The following MCC variants were observed in gnomAD, a reference collection of about 807,000 sequenced individuals.
The protein encoded by MCC is colorectal mutant cancer protein.
Under a neutral mutation model 116.2 loss-of-function variants are expected in MCC, and 90 were observed. The observed-to-expected ratio is 0.77, with a 90% confidence interval of 0.65 to 0.92. The LOEUF is 0.92. MCC is among the 40% of genes least tolerant of loss of function. The pLI, the probability that MCC is intolerant of heterozygous loss-of-function variation, is 0.00. For missense variants in MCC, 1,516 were observed against 1,312.2 expected (o/e 1.16, Z -2.40); for synonymous variants, 578 against 510.5 (o/e 1.13, Z -1.78).
At chr5:113,373,891 G>A (rs957125216) in intron 2 of MCC, among the ~76,000 whole-genome samples, 8 of 148,084 alleles carry the variant, frequency 5.4e-5, no homozygotes, top group African/African-American at 2.0e-4. Context: ...TTGAGAAGCT[G>A]AGGTTTTTTG....
At chr5:113,435,828 G>T (rs1429656500) in intron 1 of MCC, 1 of 153,068 alleles carries the variant, frequency 6.5e-6, no homozygotes, top group Admixed American at 6.5e-5. Context: ...GGCATATCTG[G>T]GGCTGGGGGC....
chr5:113,060,413 A>G (rs982912151), intron 14 of MCC, among the ~76,000 whole-genome samples: 3 of 152,086 alleles, frequency 2.0e-5, no homozygotes, highest in African/African-American at 7.2e-5. Flanking sequence ...TCAGCCTCCC[A>G]AAGTGCTGGG....
At chr5:113,270,607 C>A (rs1765575529) in intron 3 of MCC, among the ~76,000 whole-genome samples, 1 of 149,764 alleles carries the variant, frequency 6.7e-6, no homozygotes, top group Non-Finnish European at 1.5e-5. Flanking sequence ...GTATCCCACA[C>A]AATGGGACAC....
intron 3 of MCC, among the ~76,000 whole-genome samples, chr5:113,312,061 G>A (rs990117683): frequency 5.9e-5 from 9 of 151,682 alleles, no homozygotes; most frequent in East Asian, 1.9e-4. Context: ...AGCCGAGGTC[G>A]CGCCACTGCA....
At chr5:113,383,271 G>T (rs1256050508) in intron 2 of MCC, among the ~76,000 whole-genome samples, 1 of 152,204 alleles carries the variant, frequency 6.6e-6, no homozygotes, top group East Asian at 1.9e-4. Flanking sequence ...ATGTATGTGT[G>T]TACACTTATG....
chr5:113,264,066 T>C (rs536170925), intron 3 of MCC, among the ~76,000 whole-genome samples: 10 of 152,380 alleles, frequency 6.6e-5, no homozygotes, highest in Non-Finnish European at 1.2e-4. Flanking sequence ...CACTTTGCTC[T>C]TTAGAAACAA....
intron 3 of MCC, among the ~76,000 whole-genome samples, chr5:113,261,844 CATTT>C (rs1012399218): frequency 2.0e-5 from 3 of 152,136 alleles, no homozygotes; most frequent in Non-Finnish European, 4.4e-5. Context: ...AAATTCAAGA[CATTT>C]TTGCTAATCA....
At chr5:113,071,844 C>T (rs973523425) in intron 11 of MCC, among the ~76,000 whole-genome samples, 1 of 152,158 alleles carries the variant, frequency 6.6e-6, no homozygotes, top group African/African-American at 2.4e-5. Flanking sequence ...AGTGAGTGAA[C>T]AGGAAACTTC....
chr5:113,120,002 G>A (rs1757641505), intron 6 of MCC, among the ~76,000 whole-genome samples: 1 of 152,202 alleles, frequency 6.6e-6, no homozygotes, highest in Admixed American at 6.5e-5. Context: ...GTTTATCCTT[G>A]CACTTCCCAA....
intron 3 of MCC, among the ~76,000 whole-genome samples, chr5:113,264,100 T>A (rs79977600): frequency 1.3e-5 from 2 of 152,192 alleles, no homozygotes; most frequent in South Asian, 4.1e-4. Flanking sequence ...CCGAAAGATA[T>A]GATTTTTCAG....
At chr5:113,203,850 T>C (rs747959103) in intron 3 of MCC, among the ~76,000 whole-genome samples, 1 of 152,202 alleles carries the variant, frequency 6.6e-6, no homozygotes, top group Non-Finnish European at 1.5e-5. Context: ...TGGCATTTCA[T>C]TGTCAGATTA....
At chr5:113,186,722 C>G (rs547009669) in intron 3 of MCC, among the ~76,000 whole-genome samples, 2 of 152,150 alleles carry the variant, frequency 1.3e-5, no homozygotes, top group Non-Finnish European at 2.9e-5. Flanking sequence ...AGCTTCAAGC[C>G]TATGTACCTT....
chr5:113,293,551 C>T (rs1188827953), intron 3 of MCC, among the ~76,000 whole-genome samples: 2 of 152,158 alleles, frequency 1.3e-5, no homozygotes, highest in Admixed American at 6.5e-5. Context: ...GTATTCAAAG[C>T]TTTGAGGGAT....
chr5:113,384,121 C>CT (rs1444026431), intron 2 of MCC, among the ~76,000 whole-genome samples: 6 of 152,064 alleles, frequency 3.9e-5, no homozygotes, highest in African/African-American at 1.4e-4. Flanking sequence ...ATATGTATAA[C>CT]TGAGTATTCA....
chr5:113,027,744 G>T (rs1750661330), intron 18 of MCC, among the ~76,000 whole-genome samples: 1 of 151,994 alleles, frequency 6.6e-6, no homozygotes, highest in Admixed American at 6.6e-5. Flanking sequence ...TATTAGAAGG[G>T]GTTCTAAGAG....
chr5:113,027,840 A>G (rs1750670713), intron 18 of MCC, among the ~76,000 whole-genome samples: 1 of 152,238 alleles, frequency 6.6e-6, no homozygotes, highest in African/African-American at 2.4e-5. Context: ...TGCTTGCAAC[A>G]TAGTCAAGTG....
rs374284259 is a variant in MCC at position 113,444,042 on chromosome 5, G to A, written c.170+44203C>T. On this transcript the variant is annotated intron_variant, in intron 1 of 18. Coordinates refer to ENST00000408903, the MANE Select transcript of MCC (RefSeq NM_001085377.2). ...GTGTGTTTAGTAGAGATGGGGTTTC[G>A]CCAAGTTGGCCAGGCTGTTCTCGAA... 9.7e-5 allele frequency among the ~76,000 whole-genome samples: 14 copies of A among 145,006 alleles called. No individual in the cohort carries two copies. The East Asian group carries it at 2.4e-3, about 25-fold the overall frequency.
At chr5:113,435,983 C>T (rs1462130613) in intron 1 of MCC, 2 of 152,506 alleles carry the variant, frequency 1.3e-5, no homozygotes, top group Non-Finnish European at 2.9e-5. Context: ...AGCACCTGCT[C>T]TGGGCCACAC....
At chr5:113,046,155 TA>T (rs944258631) in intron 16 of MCC, among the ~76,000 whole-genome samples, 3 of 150,378 alleles carry the variant, frequency 2.0e-5, no homozygotes, top group African/African-American at 4.9e-5. Flanking sequence ...ACTGTAGTGT[TA>T]AAAAAAAATC....
Sources: allele counts gnomAD v4.1 joint callset (sites outside exome capture counted in the v4.1 genomes callset), GRCh38; gene constraint gnomAD v4.1.1; transcripts MANE v1.5; gene names NCBI Gene and HGNC (gene_info 2026-07-23, HGNC 2026-07-21).